The following RNGTT variants were observed in gnomAD, a reference collection of about 807,000 sequenced individuals.
RNGTT encodes the protein mRNA-capping enzyme.
In RNGTT, 33 loss-of-function variants were observed where a neutral mutation model predicts 79.3. That is an observed-to-expected ratio of 0.42 (90% CI 0.32 to 0.56). The LOEUF (loss-of-function observed/expected upper bound fraction) is 0.56. Ranked by LOEUF, RNGTT falls within the 20% of genes least tolerant of loss-of-function variation. The pLI is 0.17. For missense variants in RNGTT, 497 were observed against 739.1 expected (o/e 0.67, Z 3.80); for synonymous variants, 222 against 235.9 (o/e 0.94, Z 0.54).
intron 8 of RNGTT, among the ~76,000 whole-genome samples, chr6:88,879,653 G>C (rs975458881): frequency 6.6e-6 from 1 of 152,090 alleles, no homozygotes; most frequent in Non-Finnish European, 1.5e-5. Flanking sequence ...TCTTGTCAAA[G>C]TACCAATGGC....
At position 88,610,633 on chromosome 6, in the gene RNGTT, TA is replaced by T. The variant is rs750806072; in HGVS notation, c.*2085del. 3 of 152,206 alleles carry T rather than the reference TA, an allele frequency of 2.0e-5. No individual in the cohort carries two copies. The allele number at this position is 152,206 out of a possible 1,614,324, so 9.4% of individuals were successfully genotyped here. A position where few individuals can be genotyped will look rare whatever the true frequency, so the allele number is the denominator to read the frequency against. ...TCAGGGGCTAAATGGGATCTACTTATAAGGCCAACTACTCTATGTCACTATA... is the reference window on the plus strand; with the variant it reads ...TCAGGGGCTAAATGGGATCTACTTATAGGCCAACTACTCTATGTCACTATA... On this transcript the variant is annotated 3_prime_UTR_variant, in exon 16 of 16. Transcript: ENST00000369485.
At chr6:88,768,261 C>T (rs1013197719) in intron 13 of RNGTT, among the ~76,000 whole-genome samples, 1 of 151,832 alleles carries the variant, frequency 6.6e-6, no homozygotes, top group African/African-American at 2.4e-5. Context: ...AGGCATGCAC[C>T]ACCATACCCG....
At chr6:88,809,494 T>C (rs1407328788) in intron 11 of RNGTT, among the ~76,000 whole-genome samples, 10 of 152,158 alleles carry the variant, frequency 6.6e-5, no homozygotes, top group Non-Finnish European at 4.4e-5. Context: ...TGCTTTTTTT[T>C]CCTAAATGCG....
chr6:88,729,658 T>C (rs1312509613), intron 13 of RNGTT, among the ~76,000 whole-genome samples: 1 of 152,218 alleles, frequency 6.6e-6, no homozygotes, highest in Non-Finnish European at 1.5e-5. Context: ...AATTAGGGGA[T>C]ACTAGCCAGA....
At chr6:88,959,333 T>G (rs907610105) in intron 1 of RNGTT, among the ~76,000 whole-genome samples, 2 of 152,060 alleles carry the variant, frequency 1.3e-5, no homozygotes, top group African/African-American at 4.8e-5. Flanking sequence ...AAACCACCTG[T>G]CCCCCAAAAA....
intron 2 of RNGTT, among the ~76,000 whole-genome samples, chr6:88,933,050 T>G (rs923500253): frequency 6.6e-6 from 1 of 152,100 alleles, no homozygotes; most frequent in Non-Finnish European, 1.5e-5. Flanking sequence ...CTTTAATCCT[T>G]GAGTTTCTAC....
intron 14 of RNGTT, among the ~76,000 whole-genome samples, chr6:88,676,995 C>T (rs1774900297): frequency 6.6e-6 from 1 of 152,134 alleles, no homozygotes; most frequent in East Asian, 1.9e-4. Context: ...AGAAACAACG[C>T]AAATGCCCAT....
At chr6:88,838,266 G>A (rs1343275536) in intron 11 of RNGTT, among the ~76,000 whole-genome samples, 2 of 152,102 alleles carry the variant, frequency 1.3e-5, no homozygotes, top group Non-Finnish European at 2.9e-5. Flanking sequence ...ATTCTAGTCA[G>A]TGCAGTAAGG....
chr6:88,769,715 G>A, intron 13 of RNGTT, 59 bp downstream of exon 13: 2 of 981,224 alleles, frequency 2.0e-6, no homozygotes, highest in Non-Finnish European at 3.2e-6. Flanking sequence ...CCCTGTAAAA[G>A]GTGAAGCCTT....
intron 13 of RNGTT, among the ~76,000 whole-genome samples, chr6:88,693,199 C>T (rs2756353): frequency 0.27 from 40,511 of 151,676 alleles, 9,453 homozygotes; most frequent in African/African-American, 0.63. Flanking sequence ...AATTGATTTT[C>T]TGAAAAGATA....
intron 14 of RNGTT, among the ~76,000 whole-genome samples, chr6:88,632,720 GAA>G (rs377649646): frequency 6.6e-6 from 1 of 151,786 alleles, no homozygotes; most frequent in Non-Finnish European, 1.5e-5. Flanking sequence ...AGTCAGGGGG[GAA>G]AAAAATCTCA....
At chr6:88,947,329 G>A (rs1180073855) in intron 1 of RNGTT, among the ~76,000 whole-genome samples, 2 of 16,402 alleles carry the variant, frequency 1.2e-4, no homozygotes, top group African/African-American at 4.9e-4. Context: ...GCCTCTGCCC[G>A]GCCGAGACCC....
intron 1 of RNGTT, among the ~76,000 whole-genome samples, chr6:88,951,108 C>G (rs1447489446): frequency 6.6e-6 from 1 of 152,134 alleles, no homozygotes; most frequent in African/African-American, 2.4e-5. Context: ...ATCCGCCTGC[C>G]TCGGCCTCCC....
intron 12 of RNGTT, among the ~76,000 whole-genome samples, chr6:88,797,691 T>C (rs1779643079): frequency 6.6e-6 from 1 of 151,948 alleles, no homozygotes; most frequent in Non-Finnish European, 1.5e-5. Context: ...GAAAATACAA[T>C]TGTATACTAT....
At chr6:88,783,891 T>C (rs1350072072) in intron 12 of RNGTT, among the ~76,000 whole-genome samples, 1 of 152,174 alleles carries the variant, frequency 6.6e-6, no homozygotes, top group Non-Finnish European at 1.5e-5. Context: ...TGATCTAAAG[T>C]ATGCATTCAT....
At chr6:88,636,158 G>A (rs767925549) in intron 14 of RNGTT, among the ~76,000 whole-genome samples, 19 of 151,876 alleles carry the variant, frequency 1.3e-4, no homozygotes, top group African/African-American at 2.2e-4. Context: ...CCTGTTGAAT[G>A]AGCAGGAAGG....
chr6:88,780,147 C>T (rs1160576763), intron 12 of RNGTT, among the ~76,000 whole-genome samples: 2 of 152,128 alleles, frequency 1.3e-5, no homozygotes, highest in African/African-American at 2.4e-5. Flanking sequence ...GAAAAAATCA[C>T]ATCAATTTTG....
intron 14 of RNGTT, among the ~76,000 whole-genome samples, chr6:88,664,955 G>A (rs1774341409): frequency 1.3e-5 from 2 of 152,154 alleles, no homozygotes; most frequent in Admixed American, 1.3e-4. Context: ...GACAAAGCAG[G>A]CTTTCTGTTT....
At chr6:88,814,995 A>G (rs1168746562) in intron 11 of RNGTT, among the ~76,000 whole-genome samples, 1 of 152,200 alleles carries the variant, frequency 6.6e-6, no homozygotes, top group African/African-American at 2.4e-5. Flanking sequence ...AACGATCTCT[A>G]GGCCCAGGGG....
Sources: gnomAD v4.1 joint callset for allele counts (sites outside exome capture counted in the v4.1 genomes callset) on GRCh38, gnomAD v4.1.1 for gene constraint, MANE v1.5 for transcripts, NCBI Gene and HGNC (gene_info 2026-07-23, HGNC 2026-07-21) for gene names.